CDH1: variants seen among roughly 807,000 people sequenced by gnomAD.
CDH1 encodes the protein cadherin-1.
In CDH1, 35 loss-of-function variants were observed where a neutral mutation model predicts 84.5. That is an observed-to-expected ratio of 0.41 (90% CI 0.32 to 0.55). CDH1 has a LOEUF of 0.55. CDH1 is among the 20% of genes least tolerant of loss of function. The probability of loss-of-function intolerance (pLI) is 0.19; values close to 1 mark genes in which losing one functional copy is unlikely to be tolerated. For missense variants in CDH1, 994 were observed against 1,126.6 expected (o/e 0.88, Z 1.68); for synonymous variants, 417 against 439.0 (o/e 0.95, Z 0.63).
At chr16:68,820,643 C>A (rs1961117676) in intron 11 of CDH1, among the ~76,000 whole-genome samples, 1 of 152,212 alleles carries the variant, frequency 6.6e-6, no homozygotes, top group Non-Finnish European at 1.5e-5. Flanking sequence ...AGCCACCGTG[C>A]CTGGCCTGCT....
At chr16:68,774,742 G>T (rs928996964) in intron 2 of CDH1, among the ~76,000 whole-genome samples, 1 of 152,140 alleles carries the variant, frequency 6.6e-6, no homozygotes, top group Admixed American at 6.5e-5. Flanking sequence ...TGGGCACTGG[G>T]GAGGACACCA....
At chr16:68,781,873 G>C (rs1387165194) in intron 2 of CDH1, among the ~76,000 whole-genome samples, 1 of 152,126 alleles carries the variant, frequency 6.6e-6, no homozygotes, top group Non-Finnish European at 1.5e-5. Flanking sequence ...CACAGTTCCA[G>C]GGGGCCCATG....
chr16:68,762,674 C>G (rs945282757), intron 2 of CDH1, among the ~76,000 whole-genome samples: 5 of 152,040 alleles, frequency 3.3e-5, no homozygotes, highest in Non-Finnish European at 7.4e-5. Context: ...TTTGGGAGGC[C>G]AAGGCCAGAG....
At chr16:68,794,442 G>A (rs1241826035) in intron 2 of CDH1, among the ~76,000 whole-genome samples, 1 of 152,068 alleles carries the variant, frequency 6.6e-6, no homozygotes, top group Non-Finnish European at 1.5e-5. Context: ...TTTTCAACAT[G>A]CCCTAAGTGT....
At chr16:68,821,040 T>C (rs1961128918) in intron 11 of CDH1, among the ~76,000 whole-genome samples, 1 of 152,212 alleles carries the variant, frequency 6.6e-6, no homozygotes, top group Non-Finnish European at 1.5e-5. Flanking sequence ...TAGACATATC[T>C]ATTTATAGGT....
intron 2 of CDH1, among the ~76,000 whole-genome samples, chr16:68,775,171 A>G (rs2152121277): frequency 6.6e-6 from 1 of 152,140 alleles, no homozygotes; most frequent in Middle Eastern, 3.4e-3. Context: ...TTTACAATTA[A>G]CATTGTCATA....
chr16:68,790,656 A>G (rs1172845288), intron 2 of CDH1, among the ~76,000 whole-genome samples: 6 of 152,168 alleles, frequency 3.9e-5, no homozygotes, highest in Non-Finnish European at 8.8e-5. Flanking sequence ...CAGGAGGCCT[A>G]ATGTCGCTGC....
chr16:68,769,589 A>G (rs548854707), intron 2 of CDH1, among the ~76,000 whole-genome samples: 1 of 152,050 alleles, frequency 6.6e-6, no homozygotes, highest in Non-Finnish European at 1.5e-5. Flanking sequence ...GATTATAAGC[A>G]TGAGCCACTG....
chr16:68,757,900 C>T (rs1305094263), intron 2 of CDH1, among the ~76,000 whole-genome samples: 2 of 151,428 alleles, frequency 1.3e-5, no homozygotes, highest in Admixed American at 1.3e-4. Flanking sequence ...TCAAGTCATC[C>T]CCATCCTCCC....
At chr16:68,802,996 G>A (rs1960556200) in intron 3 of CDH1, among the ~76,000 whole-genome samples, 2 of 152,286 alleles carry the variant, frequency 1.3e-5, no homozygotes, top group South Asian at 4.1e-4. Context: ...GTCTGCCTGG[G>A]TTCTTGGCAG....
chr16:68,781,846 G>A (rs1166543077), intron 2 of CDH1, among the ~76,000 whole-genome samples: 1 of 152,044 alleles, frequency 6.6e-6, no homozygotes, highest in Non-Finnish European at 1.5e-5. Context: ...CCTCCCACAG[G>A]TGCCCATATC....
intron 2 of CDH1, among the ~76,000 whole-genome samples, chr16:68,789,236 C>A (rs1050115741): frequency 6.6e-6 from 1 of 151,998 alleles, no homozygotes; most frequent in African/African-American, 2.4e-5. Flanking sequence ...CCCATGTTGC[C>A]CAGGCTGGTC....
At chr16:68,739,382 A>G (rs1241322737) in intron 2 of CDH1, among the ~76,000 whole-genome samples, 1 of 152,090 alleles carries the variant, frequency 6.6e-6, no homozygotes, top group East Asian at 2.0e-4. Context: ...GTGCCACCGC[A>G]CTCCAACCTG....
rs1456895943 is a variant in CDH1, at chr16:68,818,442, TAAC to T, written c.1566-835_1566-833del. 2.0e-5 allele frequency among the ~76,000 whole-genome samples: 3 copies of T among 151,582 alleles called. No individual in the cohort carries two copies. In the East Asian group the frequency reaches 5.8e-4, roughly 29 times the overall value. On this transcript the variant is annotated intron_variant, in intron 10 of 15. Transcript: ENST00000261769. ...AGACAGAGCAGATGTGGCAAAGTAT[TAAC>T]AATGAGTAAACTCAGGTGAAGAGTT...
In CDH1 at chr16:68,829,654, G is replaced by A. The variant is rs1471460728; in HGVS notation, c.2296G>A (p.Asp766Asn). The part of the protein sequence containing the change: ...DEEGGGEEDQ[D>N]FDLSQLHRGL... ...GTACTTCAACCTTTTTTCTCCAAAGGACTTTGACTTGAGCCAGCTGCACAG... is the reference window on the plus strand; with the variant it reads ...GTACTTCAACCTTTTTTCTCCAAAGAACTTTGACTTGAGCCAGCTGCACAG... The change falls in exon 15 of 16, where the codon GAC (aspartate) becomes AAC (asparagine). Residue 766 changes from aspartate (D) to asparagine (N), a missense_variant and splice_region_variant. Physicochemically the swap from Asp to Asn is conservative, Grantham distance 23. This residue lies in a region of CDH1 where 769 missense variants were observed against 881.8 expected (regional missense o/e 0.87). Coordinates refer to ENST00000261769, the MANE Select transcript of CDH1 (RefSeq NM_004360.5). 1 of 1,614,038 alleles carries A rather than the reference G, an allele frequency of 6.2e-7. No homozygotes were observed. The highest frequency in any genetic ancestry group is 8.5e-7 in the Non-Finnish European group (1 of 1,180,010).
rs587782484 is a variant in CDH1, at chr16:68,737,423, C to A, written c.8C>A (p.Pro3His). 1 of 1,534,156 alleles carries A rather than the reference C, an allele frequency of 6.5e-7. No individual in the cohort carries two copies. The highest frequency in any genetic ancestry group is 1.2e-5 in the South Asian group (1 of 83,830). MG[P>H]WSRSLSALLL... The stretch of plus-strand genomic sequence containing the variant: ...CGGCGTCCCCGGCCAGCCATGGGCC[C>A]TTGGAGCCGCAGCCTCTCGGCGCTG... Residue 3 changes from proline (P) to histidine (H), a missense_variant, in exon 1 of 16, where the codon CCT (proline) becomes CAT (histidine). Physicochemically the swap from Pro to His is moderately conservative, Grantham distance 77. This residue lies in a region of CDH1 where 203 missense variants were observed against 194.0 expected (regional missense o/e 1.05). Transcript: ENST00000261769.
In CDH1 at chr16:68,815,554, G is replaced by A. The variant is rs587780112; in HGVS notation, c.1360G>A (p.Val454Ile). 59 of 1,614,008 alleles carry A rather than the reference G, an allele frequency of 3.7e-5. No individual in the cohort carries two copies. Among genetic ancestry groups the A allele is most frequent in the Admixed American group, 1.2e-4 (7 of 60,002 alleles). The stretch of plus-strand genomic sequence containing the variant: ...GGCCAAGCAGCAGTACATTCTACAC[G>A]TAGCAGTGACGAATGTGGTACCTTT... The part of the protein sequence containing the change: ...FEAKQQYILH[V>I]AVTNVVPFEV... The change falls in exon 10 of 16, where the codon GTA becomes ATA. Residue 454 changes from valine (V) to isoleucine (I), a missense_variant. Physicochemically the swap from Val to Ile is conservative, Grantham distance 29. Transcript: ENST00000261769.
chr16:68,810,486 A>C, intron 6 of CDH1, 145 bp downstream of exon 6: 1 of 725,798 alleles, frequency 1.4e-6, no homozygotes, highest in East Asian at 2.6e-5. Flanking sequence ...GTTGTGTTAT[A>C]TGCATGTGTG....
At chr16:68,830,841 A>G (rs1961463757) in intron 15 of CDH1, among the ~76,000 whole-genome samples, 1 of 152,168 alleles carries the variant, frequency 6.6e-6, no homozygotes. Flanking sequence ...GGCCAGAACT[A>G]TCAGAAGGTT....
Sources: allele counts gnomAD v4.1 joint callset (sites outside exome capture counted in the v4.1 genomes callset), GRCh38; gene constraint gnomAD v4.1.1; regional missense constraint gnomAD v4.1.1; transcripts MANE v1.5; gene names NCBI Gene and HGNC (gene_info 2026-07-23, HGNC 2026-07-21).